The following ATP10B variants were observed in gnomAD, a reference collection of about 807,000 sequenced individuals.
ATP10B encodes the protein phospholipid-transporting ATPase VB.
ATP10B carries 122 observed loss-of-function variants against 141.2 expected under a neutral mutation model. The ratio of observed to expected loss-of-function variants is 0.86; its 90% confidence interval spans 0.75 to 1.00. ATP10B has a LOEUF of 1.00. Ranked by LOEUF, ATP10B falls within the 50% of genes least tolerant of loss-of-function variation. The pLI, the probability that ATP10B is intolerant of heterozygous loss-of-function variation, is 0.00. For missense variants in ATP10B, 1,876 were observed against 1,825.3 expected, an observed-to-expected ratio of 1.03 and a Z score of -0.51; for synonymous variants, 685 against 692.0, an observed-to-expected ratio of 0.99 and a Z score of 0.16.
At chr5:160,628,448 T>C (rs1477542669) in intron 13 of ATP10B, among the ~76,000 whole-genome samples, 1 of 152,252 alleles carries the variant, frequency 6.6e-6, no homozygotes, top group Non-Finnish European at 1.5e-5. Context: ...TGTGTGTATG[T>C]GGGCTGTCCC....
At chr5:160,857,648 A>G in the ATP10B span, among the ~76,000 whole-genome samples, 1 of 151,736 alleles carries the variant, frequency 6.6e-6, no homozygotes, top group Non-Finnish European at 1.5e-5. Context: ...GCATTTAGTG[A>G]TATAAATTTC....
chr5:160,796,701 A>C (rs1249326061), intron 1 of ATP10B, among the ~76,000 whole-genome samples: 10 of 152,142 alleles, frequency 6.6e-5, no homozygotes, highest in African/African-American at 2.4e-4. Context: ...GTTGCACCAC[A>C]ACTGATTCCC....
chr5:160,830,326 ACTT>A (rs1459635104), intron 1 of ATP10B, among the ~76,000 whole-genome samples: 1 of 152,092 alleles, frequency 6.6e-6, no homozygotes, highest in Non-Finnish European at 1.5e-5. Context: ...CGAGCAATTC[ACTT>A]CTTAACTTTT....
intron 18 of ATP10B, among the ~76,000 whole-genome samples, chr5:160,609,106 T>G (rs1271078181): frequency 6.6e-6 from 1 of 152,052 alleles, no homozygotes; most frequent in Non-Finnish European, 1.5e-5. Context: ...ATTAATATTA[T>G]CAATTTTAGT....
At chr5:160,777,503 T>C (rs376827928) in intron 2 of ATP10B, among the ~76,000 whole-genome samples, 11 of 152,230 alleles carry the variant, frequency 7.2e-5, no homozygotes, top group Admixed American at 7.2e-4. Context: ...AGTCACCTAA[T>C]ACAAGTACCT....
the ATP10B span, among the ~76,000 whole-genome samples, chr5:160,923,399 T>TC: frequency 6.6e-6 from 1 of 152,230 alleles, no homozygotes; most frequent in Non-Finnish European, 1.5e-5. Context: ...ACCTTAGTTT[T>TC]CTAATCTGTA....
rs572943195 is a variant in ATP10B, at chr5:160,771,745, C to T, written c.-331+13814G>A. On this transcript the variant is annotated intron_variant, in intron 2 of 25. Transcript: ENST00000327245. Reference sequence around the variant, plus strand: ...CTCATGTTGTACCTTAGCTCTCTGTCCCATCTTGCTTTGATCCAAGCCAGA... The same window carrying T: ...CTCATGTTGTACCTTAGCTCTCTGTTCCATCTTGCTTTGATCCAAGCCAGA... Among the ~76,000 whole-genome samples the T allele has an allele frequency of 5.3e-5, 8 of 152,302 alleles. No individual in the cohort carries two copies. The South Asian group carries it at 1.7e-3, about 32-fold the overall frequency.
chr5:160,796,062 A>G (rs1771930750), intron 1 of ATP10B, among the ~76,000 whole-genome samples: 2 of 152,166 alleles, frequency 1.3e-5, no homozygotes, highest in South Asian at 4.1e-4. Context: ...ACATTTAGTG[A>G]CCTCACCACA....
intron 24 of ATP10B, among the ~76,000 whole-genome samples, chr5:160,570,184 T>C (rs1352401703): frequency 6.6e-6 from 1 of 152,174 alleles, no homozygotes; most frequent in Non-Finnish European, 1.5e-5. Flanking sequence ...TTTTATTTAA[T>C]TTTAAAAATT....
chr5:160,709,552 G>A (rs1765225837), intron 3 of ATP10B, among the ~76,000 whole-genome samples: 1 of 151,198 alleles, frequency 6.6e-6, no homozygotes, highest in African/African-American at 2.4e-5. Context: ...TTAAAGTTGA[G>A]ATTTGGCAAA....
chr5:160,744,956 TGCAG>T (rs1239329822), intron 2 of ATP10B, among the ~76,000 whole-genome samples: 16 of 152,194 alleles, frequency 1.1e-4, no homozygotes, highest in Admixed American at 7.2e-4. Context: ...CAGGGAAGAT[TGCAG>T]GCCCTGGGGG....
intron 3 of ATP10B, among the ~76,000 whole-genome samples, chr5:160,704,346 T>C (rs1479434630): frequency 6.6e-6 from 1 of 152,188 alleles, no homozygotes; most frequent in Non-Finnish European, 1.5e-5. Flanking sequence ...CATGAAACAC[T>C]GTGCCAGGCC....
intron 18 of ATP10B, 111 bp downstream of exon 18, chr5:160,612,630 T>C: frequency 4.6e-6 from 4 of 860,284 alleles, no homozygotes; most frequent in Non-Finnish European, 7.1e-6. Context: ...TGTTGGGGGT[T>C]GGGTGCTTCC....
chr5:160,863,937 GATTAA>G, the ATP10B span, among the ~76,000 whole-genome samples: 1 of 152,018 alleles, frequency 6.6e-6, no homozygotes, highest in South Asian at 2.1e-4. Context: ...CAAGCACAGA[GATTAA>G]ATCAATAATA....
chr5:160,620,249 C>T, intron 15 of ATP10B, 98 bp downstream of exon 15: 1 of 1,464,034 alleles, frequency 6.8e-7, no homozygotes, highest in Non-Finnish European at 9.2e-7. Context: ...CCTGCCATAC[C>T]AGGTGACACT....
chr5:160,830,576 A>T lies in ATP10B; in HGVS notation c.-576+21365T>A, dbSNP rs145461975. Among the ~76,000 whole-genome samples, 915 of 152,244 alleles carry T rather than the reference A, an allele frequency of 6.0e-3. 13 individuals carry two copies. Among genetic ancestry groups the T allele is most frequent in the African/African-American group, 0.021 (871 of 41,566 alleles). On this transcript the variant is annotated intron_variant, in intron 1 of 25. Transcript: ENST00000327245. The stretch of plus-strand genomic sequence containing the variant: ...AGCCTTACTTTTTACTTGTATTTAT[A>T]GGCTATCCATAGAGAAAACACTGTT...
chr5:160,631,433 G>T (rs915651927), intron 13 of ATP10B, among the ~76,000 whole-genome samples: 1 of 152,206 alleles, frequency 6.6e-6, no homozygotes, highest in East Asian at 1.9e-4. Context: ...AGGACAATAC[G>T]CAGAAAGCCC....
At chr5:160,868,288 G>A in the ATP10B span, among the ~76,000 whole-genome samples, 2 of 151,952 alleles carry the variant, frequency 1.3e-5, no homozygotes, top group Admixed American at 1.3e-4. Flanking sequence ...CAAACAGTTG[G>A]TTATTATCTC....
chr5:160,692,342 A>C (rs1295534438), intron 3 of ATP10B, among the ~76,000 whole-genome samples: 4 of 152,204 alleles, frequency 2.6e-5, no homozygotes, highest in African/African-American at 9.6e-5. Context: ...TAGTGGAGAA[A>C]TGTGGCAGAC....
Sources: allele counts gnomAD v4.1 joint callset (sites outside exome capture counted in the v4.1 genomes callset), GRCh38; gene constraint gnomAD v4.1.1; transcripts MANE v1.5; gene names NCBI Gene and HGNC (gene_info 2026-07-23, HGNC 2026-07-21).